The following NUDCD1 variants were observed in gnomAD, a reference collection of about 807,000 sequenced individuals.
The protein encoded by NUDCD1 is NudC domain containing 1, also known as nudC domain-containing protein 1.
A neutral mutation model predicts 67.8 loss-of-function variants in NUDCD1; 60 were observed. The observed-to-expected ratio is 0.88, with a 90% CI of 0.72 to 1.10. The LOEUF is 1.10. Among genes scored for constraint, NUDCD1 ranks in the 50% least tolerant of loss-of-function variants. NUDCD1 has a pLI of 0.00. For missense variants in NUDCD1, 643 were observed against 695.0 expected (o/e 0.93, Z 0.84); for synonymous variants, 244 against 230.8 (o/e 1.06, Z -0.52).
intron 7 of NUDCD1, among the ~76,000 whole-genome samples, chr8:109,274,322 C>A (rs542359083): frequency 2.0e-5 from 3 of 152,284 alleles, no homozygotes; most frequent in South Asian, 4.1e-4. Flanking sequence ...ATAACTTTCT[C>A]ATAAACACTA....
chr8:109,269,414 A>G (rs1009609935), intron 8 of NUDCD1, among the ~76,000 whole-genome samples: 6 of 152,216 alleles, frequency 3.9e-5, no homozygotes, highest in Non-Finnish European at 8.8e-5. Flanking sequence ...ATTAATGTTC[A>G]GCCATTAAAT....
intron 7 of NUDCD1, 123 bp downstream of exon 7, chr8:109,275,229 T>C (rs758543806): frequency 6.4e-6 from 5 of 777,312 alleles, no homozygotes; most frequent in Non-Finnish European, 1.0e-5. Context: ...CTCAGATCAG[T>C]AGTATCTGAT....
intron 8 of NUDCD1, among the ~76,000 whole-genome samples, chr8:109,248,358 A>G (rs1813547351): frequency 6.6e-6 from 1 of 152,226 alleles, no homozygotes; most frequent in African/African-American, 2.4e-5. Context: ...ACAGCAACCT[A>G]ACATACCACC....
intron 2 of NUDCD1, among the ~76,000 whole-genome samples, chr8:109,319,222 C>G (rs1815475830): frequency 6.6e-6 from 1 of 152,316 alleles, no homozygotes; most frequent in African/African-American, 2.4e-5. Flanking sequence ...ATCCGCCCGC[C>G]TCTGCCTCCC....
intron 8 of NUDCD1, among the ~76,000 whole-genome samples, chr8:109,270,624 C>T (rs1036985178): frequency 4.6e-5 from 7 of 151,538 alleles, no homozygotes; most frequent in African/African-American, 1.7e-4. Flanking sequence ...TGTGTAGAAC[C>T]ACTACATGCA....
chr8:109,276,217 A>G, intron 6 of NUDCD1, among the ~76,000 whole-genome samples: 1 of 152,214 alleles, frequency 6.6e-6, no homozygotes, highest in East Asian at 1.9e-4. Flanking sequence ...TGCAGCAGGA[A>G]AGGGAAAGAG....
Position 109,275,417 on chromosome 8 carries a change from T to G in NUDCD1, c.1108A>C (p.Ile370Leu). ...LVIGDKQGEL[I>L]RDSAQCAAIA... ...GCAGCACACTGGGCTGAATCTCTTA[T>G]AAGTTCCCCTTGTTTATCTCCAATT... Residue 370 changes from isoleucine (I) to leucine (L), a missense_variant, in exon 7 of 10, where the codon ATA becomes CTA. Ile to Leu is a conservative substitution (Grantham distance 5). Transcript: ENST00000239690. 6.2e-7 allele frequency: 1 copy of G among 1,613,830 alleles called. No individual in the cohort carries two copies. The highest frequency in any genetic ancestry group is 1.1e-5 in the South Asian group (1 of 91,066).
intron 4 of NUDCD1, among the ~76,000 whole-genome samples, chr8:109,291,373 G>C (rs1814707674): frequency 6.6e-6 from 1 of 152,088 alleles, no homozygotes; most frequent in African/African-American, 2.4e-5. Flanking sequence ...TCAAACTCCT[G>C]GGCTCAAGTG....
chr8:109,326,882 C>G (rs1335634323), intron 1 of NUDCD1, among the ~76,000 whole-genome samples: 2 of 152,190 alleles, frequency 1.3e-5, no homozygotes, highest in Non-Finnish European at 2.9e-5. Flanking sequence ...GTCTCCTGCA[C>G]TAATAGTGCT....
chr8:109,306,136 T>G (rs1815096291), intron 2 of NUDCD1, among the ~76,000 whole-genome samples: 1 of 152,200 alleles, frequency 6.6e-6, no homozygotes, highest in Non-Finnish European at 1.5e-5. Context: ...TGCCCTGCCC[T>G]TGTTTACATT....
chr8:109,297,235 A>G (rs1473013093), intron 2 of NUDCD1, among the ~76,000 whole-genome samples: 2 of 152,242 alleles, frequency 1.3e-5, no homozygotes, highest in African/African-American at 4.8e-5. Context: ...ATACCACATC[A>G]TGTTCAAAAT....
chr8:109,307,104 G>A (rs1413142413), intron 2 of NUDCD1, among the ~76,000 whole-genome samples: 3 of 152,136 alleles, frequency 2.0e-5, no homozygotes, highest in Non-Finnish European at 2.9e-5. Context: ...CAGATGGCCT[G>A]AAACAACTGA....
At chr8:109,296,302 T>C in intron 3 of NUDCD1, 82 bp downstream of exon 3, 1 of 1,126,166 alleles carries the variant, frequency 8.9e-7, no homozygotes, top group Non-Finnish European at 1.3e-6. Context: ...AAACCATCCT[T>C]GAAAAGTGTC....
chr8:109,313,829 T>C, intron 2 of NUDCD1: 2 of 1,106,130 alleles, frequency 1.8e-6, no homozygotes, highest in Non-Finnish European at 2.4e-6. Context: ...GCTAGAAGTC[T>C]AATTATCAAT....
At chr8:109,270,701 T>G (rs1235892945) in intron 8 of NUDCD1, among the ~76,000 whole-genome samples, 1 of 151,962 alleles carries the variant, frequency 6.6e-6, no homozygotes, top group East Asian at 1.9e-4. Context: ...GAGGAAACAC[T>G]TAAGTCCATA....
chr8:109,281,154 T>C lies in NUDCD1; in HGVS notation c.842A>G (p.Gln281Arg). The C allele has an allele frequency of 6.2e-7, 1 of 1,612,284 alleles. No individual in the cohort carries two copies. The highest frequency in any genetic ancestry group is 1.1e-5 in the South Asian group (1 of 90,934). The change falls in exon 6 of 10, where the codon CAA becomes CGA. Residue 281 changes from glutamine to arginine, a missense_variant. Transcript: ENST00000239690. Reference protein sequence around the residue: ...EKIKEPLYYWQQTEDDLTVTI... With the variant: ...EKIKEPLYYWRQTEDDLTVTI... ...TACTGTCAAATCATCTTCAGTCTGT[T>C]GCCAGTAATACAGAGGTTCTATTGG...
At chr8:109,325,157 T>A (rs745369289) in intron 1 of NUDCD1, among the ~76,000 whole-genome samples, 1 of 151,466 alleles carries the variant, frequency 6.6e-6, no homozygotes, top group Non-Finnish European at 1.5e-5. Flanking sequence ...GTGGATTTCA[T>A]GGAGGGAGAG....
chr8:109,256,893 G>A (rs1034404414), intron 8 of NUDCD1, among the ~76,000 whole-genome samples: 5 of 151,702 alleles, frequency 3.3e-5, no homozygotes, highest in African/African-American at 1.2e-4. Context: ...TAAAAATGTT[G>A]GTTAACTTGC....
At chr8:109,297,915 A>G (rs1814881976) in intron 2 of NUDCD1, among the ~76,000 whole-genome samples, 1 of 152,160 alleles carries the variant, frequency 6.6e-6, no homozygotes, top group Non-Finnish European at 1.5e-5. Context: ...AATCCTTTAT[A>G]TCCATATTTC....
Sources: gnomAD v4.1 joint callset for allele counts (sites outside exome capture counted in the v4.1 genomes callset) on GRCh38, gnomAD v4.1.1 for gene constraint, MANE v1.5 for transcripts, NCBI Gene and HGNC (gene_info 2026-07-23, HGNC 2026-07-21) for gene names.